Variants in PTPRT observed in about 807,000 individuals in gnomAD.
PTPRT encodes protein tyrosine phosphatase receptor type T.
A neutral mutation model predicts 176.8 loss-of-function variants in PTPRT; 56 were observed. That is an observed-to-expected ratio of 0.32 (90% CI 0.26 to 0.40). The LOEUF (loss-of-function observed/expected upper bound fraction) is 0.40. Among genes scored for constraint, PTPRT ranks in the 10% least tolerant of loss-of-function variants. The pLI is 1.00. For missense variants in PTPRT, 1,540 were observed against 1,908.2 expected, an observed-to-expected ratio of 0.81 and a Z score of 3.60; for synonymous variants, 783 against 739.0, an observed-to-expected ratio of 1.06 and a Z score of -0.96.
intron 6 of PTPRT, among the ~76,000 whole-genome samples, chr20:42,684,054 C>A (rs1172797888): frequency 6.6e-6 from 1 of 152,114 alleles, no homozygotes; most frequent in East Asian, 1.9e-4. Context: ...AGGTGCCAAT[C>A]AGAATTAGTC....
At chr20:42,731,746 T>G (rs2076464110) in intron 6 of PTPRT, among the ~76,000 whole-genome samples, 1 of 152,204 alleles carries the variant, frequency 6.6e-6, no homozygotes, top group African/African-American at 2.4e-5. Context: ...ATTTGATTCC[T>G]GATTATCCAG....
chr20:42,687,651 C>A (rs1424550855), intron 6 of PTPRT: 1 of 152,206 alleles, frequency 6.6e-6, no homozygotes, highest in East Asian at 1.9e-4. Flanking sequence ...GGCCATGCTT[C>A]AGGAGCACCT....
At chr20:42,982,865 C>A (rs146278070) in intron 1 of PTPRT, among the ~76,000 whole-genome samples, 141 of 152,338 alleles carry the variant, frequency 9.3e-4, no homozygotes, top group Non-Finnish European at 1.6e-3. Flanking sequence ...TTCCTCTGTG[C>A]CAGGCACTGC....
At chr20:42,718,109 A>C (rs991527998) in intron 6 of PTPRT, among the ~76,000 whole-genome samples, 1 of 152,274 alleles carries the variant, frequency 6.6e-6, no homozygotes, top group Non-Finnish European at 1.5e-5. Context: ...ATGGAGTCCA[A>C]TACTACCAAA....
At chr20:42,734,440 T>C (rs2076507862) in intron 6 of PTPRT, among the ~76,000 whole-genome samples, 1 of 152,152 alleles carries the variant, frequency 6.6e-6, no homozygotes, top group South Asian at 2.1e-4. Context: ...AGCAATGCTG[T>C]TCTTCAAGGC....
intron 28 of PTPRT, 35 bp downstream of exon 28, chr20:42,085,693 A>T: frequency 6.2e-7 from 1 of 1,611,900 alleles, no homozygotes; most frequent in Non-Finnish European, 8.5e-7. Flanking sequence ...CTTGGGGAGG[A>T]GGGGCTCAGC....
chr20:42,786,136 T>C (rs2077286691), intron 3 of PTPRT, among the ~76,000 whole-genome samples: 2 of 152,220 alleles, frequency 1.3e-5, no homozygotes, highest in African/African-American at 4.8e-5. Context: ...CTTTCTGCCA[T>C]GATTGTAAGT....
intron 7 of PTPRT, among the ~76,000 whole-genome samples, chr20:42,520,245 A>G (rs2072146435): frequency 6.6e-6 from 1 of 152,266 alleles, no homozygotes; most frequent in East Asian, 1.9e-4. Context: ...ATAACTATAG[A>G]AAACAGAATA....
intron 11 of PTPRT, among the ~76,000 whole-genome samples, chr20:42,336,210 G>A (rs562783042): frequency 7.9e-5 from 12 of 152,144 alleles, no homozygotes; most frequent in Admixed American, 1.3e-4. Flanking sequence ...CCATTGTGTA[G>A]TTATTTAACA....
chr20:42,059,290 T>C, the PTPRT span, among the ~76,000 whole-genome samples: 9 of 151,998 alleles, frequency 5.9e-5, no homozygotes, highest in East Asian at 1.9e-4. Context: ...AAAGGGAAGA[T>C]AGAAAGTGCT....
At chr20:42,326,231 T>TAAAGC (rs1427460586) in intron 11 of PTPRT, among the ~76,000 whole-genome samples, 1 of 152,192 alleles carries the variant, frequency 6.6e-6, no homozygotes, top group Non-Finnish European at 1.5e-5. Flanking sequence ...GGACCTTTGC[T>TAAAGC]AAAGCAAGGT....
chr20:42,734,189 A>T (rs2076503724), intron 6 of PTPRT, among the ~76,000 whole-genome samples: 1 of 152,170 alleles, frequency 6.6e-6, no homozygotes, highest in South Asian at 2.1e-4. Context: ...TCATCACTAC[A>T]GCTGAGCCAC....
intron 5 of PTPRT, among the ~76,000 whole-genome samples, chr20:42,767,474 G>C: frequency 6.6e-6 from 1 of 151,902 alleles, no homozygotes; most frequent in East Asian, 1.9e-4. Flanking sequence ...GCTCGCAGAT[G>C]GCAGATCATG....
chr20:42,463,773 T>C (rs1210618344), intron 8 of PTPRT, among the ~76,000 whole-genome samples: 1 of 152,198 alleles, frequency 6.6e-6, no homozygotes, highest in Non-Finnish European at 1.5e-5. Flanking sequence ...GTCATTTTTT[T>C]GTCTCTCCAC....
intron 7 of PTPRT, among the ~76,000 whole-genome samples, chr20:42,504,932 C>T (rs1189943268): frequency 6.6e-6 from 1 of 152,152 alleles, no homozygotes; most frequent in Admixed American, 6.6e-5. Context: ...TATGCATACA[C>T]ATCTGTGAAA....
intron 2 of PTPRT, among the ~76,000 whole-genome samples, chr20:42,833,819 G>C (rs191044434): frequency 6.6e-6 from 1 of 152,060 alleles, no homozygotes; most frequent in Non-Finnish European, 1.5e-5. Context: ...CACACGGAGC[G>C]GGGGGAAGAA....
chr20:42,778,320 C>T (rs969284475), intron 4 of PTPRT, among the ~76,000 whole-genome samples: 1 of 152,122 alleles, frequency 6.6e-6, no homozygotes, highest in Non-Finnish European at 1.5e-5. Context: ...AAGGTAGTTA[C>T]GGCTAGGGTA....
intron 7 of PTPRT, among the ~76,000 whole-genome samples, chr20:42,513,989 T>C (rs931581000): frequency 1.3e-5 from 2 of 152,188 alleles, no homozygotes; most frequent in East Asian, 3.9e-4. Context: ...TGCTGTGTAG[T>C]AGCCCCATTG....
chr20:42,269,691 G>A (rs1158302095), intron 13 of PTPRT, among the ~76,000 whole-genome samples: 2 of 152,200 alleles, frequency 1.3e-5, no homozygotes, highest in African/African-American at 4.8e-5. Flanking sequence ...ACCCATGGCA[G>A]CTCCTTCGAT....
Sources: gnomAD v4.1 joint callset for allele counts (sites outside exome capture counted in the v4.1 genomes callset) on GRCh38, gnomAD v4.1.1 for gene constraint, MANE v1.5 for transcripts, NCBI Gene and HGNC (gene_info 2026-07-23, HGNC 2026-07-21) for gene names.